Variants in NLGN1 observed in about 807,000 individuals in gnomAD.
NLGN1 encodes neuroligin 1, also known as neuroligin-1.
NLGN1 carries 12 observed loss-of-function variants against 65.5 expected under a neutral mutation model. The observed-to-expected ratio is 0.18, with a 90% CI of 0.12 to 0.30. The LOEUF (loss-of-function observed/expected upper bound fraction) is 0.30. Among genes scored for constraint, NLGN1 ranks in the 10% least tolerant of loss-of-function variants. The probability of loss-of-function intolerance (pLI) is 1.00; values close to 1 mark genes in which losing one functional copy is unlikely to be tolerated. For missense variants in NLGN1, 750 were observed against 1,007.1 expected, an observed-to-expected ratio of 0.74 and a Z score of 3.46; for synonymous variants, 350 against 359.5, an observed-to-expected ratio of 0.97 and a Z score of 0.30.
intron 3 of NLGN1, among the ~76,000 whole-genome samples, chr3:173,774,899 C>T (rs1370035214): frequency 6.6e-6 from 1 of 151,898 alleles, no homozygotes; most frequent in Non-Finnish European, 1.5e-5. Context: ...CTTCTTACAA[C>T]ACATTTAAAC....
chr3:173,556,238 G>C (rs1362027297), intron 2 of NLGN1, among the ~76,000 whole-genome samples: 1 of 151,990 alleles, frequency 6.6e-6, no homozygotes, highest in African/African-American at 2.4e-5. Context: ...TTACTTAAAA[G>C]AAACTTTTGG....
intron 4 of NLGN1, among the ~76,000 whole-genome samples, chr3:174,126,856 T>G (rs1426821396): frequency 6.6e-6 from 1 of 152,150 alleles, no homozygotes; most frequent in African/African-American, 2.4e-5. Context: ...TTGTTGTTAA[T>G]GAAGAGGAGA....
chr3:173,949,950 T>G (rs1747887077), intron 4 of NLGN1, among the ~76,000 whole-genome samples: 1 of 152,210 alleles, frequency 6.6e-6, no homozygotes, highest in Admixed American at 6.5e-5. Context: ...AACTGAGTAC[T>G]TATTAACTGT....
chr3:173,736,135 T>C (rs920500344), intron 3 of NLGN1, among the ~76,000 whole-genome samples: 2 of 152,032 alleles, frequency 1.3e-5, no homozygotes, highest in Non-Finnish European at 2.9e-5. Flanking sequence ...ATTGTGAGAA[T>C]AGAGTAAAAA....
chr3:173,789,551 C>T (rs1712177599), intron 3 of NLGN1, among the ~76,000 whole-genome samples: 1 of 152,184 alleles, frequency 6.6e-6, no homozygotes. Context: ...TAGAAAATGT[C>T]TTGAACAATG....
intron 3 of NLGN1, among the ~76,000 whole-genome samples, chr3:173,630,909 G>A (rs1221411018): frequency 6.6e-6 from 1 of 152,138 alleles, no homozygotes; most frequent in Non-Finnish European, 1.5e-5. Flanking sequence ...CTTGAGAGGG[G>A]CAGTACAAAA....
At chr3:173,714,837 T>C (rs1266039128) in intron 3 of NLGN1, among the ~76,000 whole-genome samples, 1 of 151,708 alleles carries the variant, frequency 6.6e-6, no homozygotes, top group African/African-American at 2.4e-5. Flanking sequence ...GAAAAGGAGG[T>C]AAATGAGCAG....
rs1328609277 is a variant in NLGN1, at chr3:173,659,154, A to G, written c.493+54063A>G. Reference sequence around the variant, plus strand: ...ACCATTAGCATTATTGAGAGCAATAACCAGTGCGAGTAATAATAAAATATC... The same window carrying G: ...ACCATTAGCATTATTGAGAGCAATAGCCAGTGCGAGTAATAATAAAATATC... On this transcript the variant is annotated intron_variant, in intron 3 of 6. Transcript: ENST00000457714. Among the ~76,000 whole-genome samples the G allele has an allele frequency of 3.3e-5, 5 of 151,998 alleles. No individual in the cohort carries two copies. The East Asian group carries it at 5.8e-4, about 18-fold the overall frequency.
At chr3:173,490,544 T>C (rs1728939574) in intron 2 of NLGN1, among the ~76,000 whole-genome samples, 1 of 152,222 alleles carries the variant, frequency 6.6e-6, no homozygotes. Flanking sequence ...TCCAGCTTTG[T>C]TCTTTTGGCT....
Position 173,942,109 on chromosome 3 carries a change from G to GT in NLGN1, c.646+134277_646+134278insT, listed in dbSNP as rs1553896554. On this transcript the variant is annotated intron_variant, in intron 4 of 6. Transcript: ENST00000457714. ...ATGGTCAGGAATATTGGTGGTTGGG[G>GT]GTGTGTGTGTGTGTGTGTGTGTGTG... Among the ~76,000 whole-genome samples, 655 of 144,130 alleles carry GT rather than the reference G, an allele frequency of 4.5e-3. 1 individual carries two copies. The highest frequency in any genetic ancestry group is 0.021 in the Middle Eastern group (6 of 280). 94.6% of individuals were successfully genotyped at this position (144,130 alleles called of 152,430 possible).
chr3:173,764,259 C>T (rs997375449), intron 3 of NLGN1, among the ~76,000 whole-genome samples: 2 of 152,084 alleles, frequency 1.3e-5, no homozygotes, highest in African/African-American at 4.8e-5. Flanking sequence ...AAACTAATGG[C>T]ATCTTAACTG....
chr3:173,798,578 A>G (rs1313610056), intron 3 of NLGN1, among the ~76,000 whole-genome samples: 1 of 152,148 alleles, frequency 6.6e-6, no homozygotes, highest in Non-Finnish European at 1.5e-5. Flanking sequence ...GTCATGTTAA[A>G]TAAATGTACA....
intron 4 of NLGN1, among the ~76,000 whole-genome samples, chr3:173,834,798 A>G (rs964220101): frequency 1.3e-5 from 2 of 152,192 alleles, no homozygotes; most frequent in Admixed American, 6.5e-5. Context: ...GTCCCTCACT[A>G]TGCTAAACTG....
intron 4 of NLGN1, among the ~76,000 whole-genome samples, chr3:174,110,695 A>G (rs962470130): frequency 1.3e-5 from 2 of 152,038 alleles, no homozygotes; most frequent in Admixed American, 1.3e-4. Flanking sequence ...GTTAAAATAC[A>G]TAATTCTGAC....
At chr3:173,845,877 G>A (rs113944002) in intron 4 of NLGN1, among the ~76,000 whole-genome samples, 3,813 of 151,614 alleles carry the variant, frequency 0.025, 69 homozygotes, top group African/African-American at 0.049. Context: ...AATTTTTTTC[G>A]ATATCATAGT....
At chr3:173,622,922 T>G (rs1487734472) in intron 3 of NLGN1, among the ~76,000 whole-genome samples, 1 of 152,088 alleles carries the variant, frequency 6.6e-6, no homozygotes, top group Non-Finnish European at 1.5e-5. Context: ...AATGTAGGCC[T>G]TGGGGAAGCT....
intron 4 of NLGN1, among the ~76,000 whole-genome samples, chr3:174,173,079 T>G (rs1728838471): frequency 1.3e-5 from 2 of 151,950 alleles, no homozygotes; most frequent in Non-Finnish European, 2.9e-5. Flanking sequence ...TTGTAGATAT[T>G]GTGTATGGTA....
At chr3:173,971,368 G>A (rs1310811163) in intron 4 of NLGN1, among the ~76,000 whole-genome samples, 3 of 152,002 alleles carry the variant, frequency 2.0e-5, no homozygotes, top group Non-Finnish European at 2.9e-5. Context: ...CAGTGGAATA[G>A]GAAGTGATTG....
intron 4 of NLGN1, among the ~76,000 whole-genome samples, chr3:173,839,080 T>G (rs1401693670): frequency 7.1e-6 from 1 of 141,242 alleles, no homozygotes; most frequent in African/African-American, 2.7e-5. Flanking sequence ...TTTAACTTCT[T>G]GAATTGGATG....
Sources: allele counts gnomAD v4.1 joint callset (sites outside exome capture counted in the v4.1 genomes callset), GRCh38; gene constraint gnomAD v4.1.1; transcripts MANE v1.5; gene names NCBI Gene and HGNC (gene_info 2026-07-23, HGNC 2026-07-21).